Variants in DOCK2 observed in about 807,000 individuals in gnomAD.
DOCK2 encodes dedicator of cytokinesis 2, also known as dedicator of cytokinesis protein 2.
In DOCK2, 87 loss-of-function variants were observed where a neutral mutation model predicts 248.9. The ratio of observed to expected loss-of-function variants is 0.35; its 90% CI spans 0.29 to 0.42. DOCK2 has a LOEUF of 0.42. Among genes scored for constraint, DOCK2 ranks in the 10% least tolerant of loss-of-function variants. DOCK2 has a pLI of 1.00. For missense variants in DOCK2, 1,747 were observed against 2,300.2 expected (o/e 0.76, Z 4.92); for synonymous variants, 805 against 821.6 (o/e 0.98, Z 0.35).
chr5:169,823,163 G>A (rs764542670), intron 26 of DOCK2, among the ~76,000 whole-genome samples: 3 of 152,240 alleles, frequency 2.0e-5, no homozygotes, highest in South Asian at 2.1e-4. Context: ...AGGACCAGAC[G>A]GAGTCACAGC....
At chr5:169,853,569 T>G (rs1320667881) in intron 27 of DOCK2, among the ~76,000 whole-genome samples, 1 of 152,042 alleles carries the variant, frequency 6.6e-6, no homozygotes, top group East Asian at 1.9e-4. Flanking sequence ...GTTGCAGGAA[T>G]GAAGCAGCAA....
At chr5:169,873,067 C>G (rs965623161) in intron 27 of DOCK2, among the ~76,000 whole-genome samples, 1 of 152,186 alleles carries the variant, frequency 6.6e-6, no homozygotes. Context: ...TTTGTTATTC[C>G]TCTGAAATAT....
At chr5:169,655,300 G>A (rs1581392422) in intron 2 of DOCK2, among the ~76,000 whole-genome samples, 1 of 152,302 alleles carries the variant, frequency 6.6e-6, no homozygotes, top group East Asian at 1.9e-4. Flanking sequence ...AGGGCACAGA[G>A]CCTGGGCTTC....
At chr5:169,876,994 A>G (rs921149407) in intron 27 of DOCK2, among the ~76,000 whole-genome samples, 2 of 152,222 alleles carry the variant, frequency 1.3e-5, no homozygotes, top group African/African-American at 2.4e-5. Flanking sequence ...TTACAATGCA[A>G]TAGGATCAGT....
intron 27 of DOCK2, among the ~76,000 whole-genome samples, chr5:169,928,594 C>T (rs559824777): frequency 6.6e-6 from 1 of 152,272 alleles, no homozygotes; most frequent in African/African-American, 2.4e-5. Flanking sequence ...GCCAAGAAAG[C>T]ATGGAAAGGA....
At chr5:170,037,136 T>C (rs1040968863) in intron 36 of DOCK2, among the ~76,000 whole-genome samples, 7 of 151,920 alleles carry the variant, frequency 4.6e-5, no homozygotes, top group Non-Finnish European at 1.0e-4. Flanking sequence ...AAATATATAC[T>C]TATTACAAAA....
chr5:169,980,442 A>G (rs770000321), intron 27 of DOCK2: 1 of 152,160 alleles, frequency 6.6e-6, no homozygotes. Flanking sequence ...TCACGTAGGA[A>G]TAAATAAAAA....
chr5:169,665,850 A>C (rs755038186), intron 2 of DOCK2, among the ~76,000 whole-genome samples: 16 of 152,292 alleles, frequency 1.1e-4, no homozygotes, highest in Non-Finnish European at 1.8e-4. Context: ...GGGATATTTT[A>C]AATCTCCTGC....
At chr5:170,069,996 T>G (rs1293291915) in intron 46 of DOCK2, among the ~76,000 whole-genome samples, 1 of 152,032 alleles carries the variant, frequency 6.6e-6, no homozygotes, top group East Asian at 1.9e-4. Flanking sequence ...CTCTTCCTCT[T>G]CTGTCTCATT....
intron 27 of DOCK2, among the ~76,000 whole-genome samples, chr5:169,945,429 C>A (rs1000025409): frequency 1.4e-4 from 21 of 152,256 alleles, no homozygotes; most frequent in African/African-American, 4.8e-4. Context: ...ATAAACTCAA[C>A]AGAAATGCTA....
intron 22 of DOCK2, among the ~76,000 whole-genome samples, chr5:169,723,306 G>A (rs1025327132): frequency 1.1e-4 from 17 of 152,072 alleles, no homozygotes; most frequent in African/African-American, 3.9e-4. Context: ...ATTCTGAGTT[G>A]GAATCTTGCC....
intron 25 of DOCK2, among the ~76,000 whole-genome samples, chr5:169,792,516 T>G (rs530703694): frequency 4.6e-5 from 7 of 152,198 alleles, no homozygotes; most frequent in African/African-American, 1.7e-4. Flanking sequence ...CTTGTTATGT[T>G]GCCCAGGCTG....
intron 27 of DOCK2, among the ~76,000 whole-genome samples, chr5:169,857,529 T>C (rs1481721309): frequency 2.0e-5 from 3 of 152,110 alleles, no homozygotes; most frequent in African/African-American, 7.2e-5. Context: ...AAGCAATCAT[T>C]GCAAAATTTG....
rs1174183708 is a variant in DOCK2 at position 169,978,389 on chromosome 5, GT to G, written c.2800-4678del. Among the ~76,000 whole-genome samples, 214 of 57,386 alleles carry G rather than the reference GT, an allele frequency of 3.7e-3. 19 individuals are homozygous for G. The highest frequency in any genetic ancestry group is 6.3e-3 in the Non-Finnish European group (163 of 26,038). The allele number at this position is 57,386 out of a possible 152,430, so 37.6% of individuals were successfully genotyped here. A position where few individuals can be genotyped will look rare whatever the true frequency, so the allele number is the denominator to read the frequency against. On this transcript the variant is annotated intron_variant, in intron 27 of 51. Transcript: ENST00000520908. ...TGGCTCTGTGTATGTGTGTGTGTGT[GT>G]GTGGGGGGGGGGGGGTGTAGGTGTG...
At chr5:169,765,831 T>G (rs562124141) in intron 25 of DOCK2, among the ~76,000 whole-genome samples, 17 of 152,352 alleles carry the variant, frequency 1.1e-4, no homozygotes, top group African/African-American at 4.1e-4. Flanking sequence ...AGCTGTTTTT[T>G]GAGCAAAGCA....
intron 44 of DOCK2, among the ~76,000 whole-genome samples, chr5:170,064,287 A>G (rs1411122916): frequency 6.6e-6 from 1 of 152,066 alleles, no homozygotes; most frequent in Non-Finnish European, 1.5e-5. Context: ...ATCTCCAGAA[A>G]CCGAAATGTG....
intron 39 of DOCK2, among the ~76,000 whole-genome samples, chr5:170,047,160 G>A (rs1418234584): frequency 6.6e-6 from 1 of 152,150 alleles, no homozygotes; most frequent in Non-Finnish European, 1.5e-5. Flanking sequence ...GGTGGGAGCA[G>A]AGATGCAATG....
Position 170,029,670 on chromosome 5 carries a change from A to G in DOCK2, c.3467+1722A>G, listed in dbSNP as rs377628699. On this transcript the variant is annotated intron_variant, in intron 34 of 51. Transcript: ENST00000520908. ...CCTTCTCCCGCGAGGCCTTCTCCTAAGGCTTAGGAACATGACCCAGACATC... is the reference window on the plus strand; with the variant it reads ...CCTTCTCCCGCGAGGCCTTCTCCTAGGGCTTAGGAACATGACCCAGACATC... Among the ~76,000 whole-genome samples, 62 of 152,276 alleles carry G rather than the reference A, an allele frequency of 4.1e-4. No homozygotes were observed. In the South Asian group the frequency reaches 8.9e-3, roughly 22 times the overall value.
chr5:169,680,738 A>G (rs1759612620), intron 6 of DOCK2, among the ~76,000 whole-genome samples: 1 of 152,024 alleles, frequency 6.6e-6, no homozygotes, highest in African/African-American at 2.4e-5. Context: ...AAAAAATTAA[A>G]TAAATTGAGA....
Sources: allele counts gnomAD v4.1 joint callset (sites outside exome capture counted in the v4.1 genomes callset), GRCh38; gene constraint gnomAD v4.1.1; transcripts MANE v1.5; gene names NCBI Gene and HGNC (gene_info 2026-07-23, HGNC 2026-07-21).